Variants in SEMA3A observed in about 807,000 individuals in gnomAD.
The protein encoded by SEMA3A is semaphorin 3A.
A neutral mutation model predicts 97.9 loss-of-function variants in SEMA3A; 29 were observed. The observed-to-expected ratio is 0.30, with a 90% CI of 0.22 to 0.40. The LOEUF (loss-of-function observed/expected upper bound fraction) is 0.40. SEMA3A is among the 10% of genes least tolerant of loss of function. SEMA3A has a pLI of 1.00. For missense variants in SEMA3A, 763 were observed against 951.3 expected, an observed-to-expected ratio of 0.80 and a Z score of 2.60; for synonymous variants, 321 against 323.7, an observed-to-expected ratio of 0.99 and a Z score of 0.09.
chr7:84,304,729 G>A (rs759061892), intron 3 of SEMA3A, among the ~76,000 whole-genome samples: 4 of 151,916 alleles, frequency 2.6e-5, no homozygotes, highest in Non-Finnish European at 5.9e-5. Flanking sequence ...TTTCACAAGC[G>A]ATCATATCCC....
chr7:84,063,085 C>A (rs1411121986), intron 4 of SEMA3A, among the ~76,000 whole-genome samples: 1 of 151,984 alleles, frequency 6.6e-6, no homozygotes, highest in East Asian at 2.0e-4. Flanking sequence ...AACGGGCAGA[C>A]TGCCTCCTCA....
At chr7:84,199,795 T>C (rs184673957), upstream of SEMA3A, among the ~76,000 whole-genome samples, 375 of 152,208 alleles carry the variant, frequency 2.5e-3, 2 homozygotes, top group Non-Finnish European at 4.6e-3. Context: ...ACTCTATTAA[T>C]TGGAGAAAAT....
chr7:84,348,742 T>A (rs910237021), intron 2 of SEMA3A, among the ~76,000 whole-genome samples: 1 of 152,180 alleles, frequency 6.6e-6, no homozygotes, highest in Non-Finnish European at 1.5e-5. Context: ...CCCAGCACTT[T>A]GGGAGGCCAA....
chr7:84,322,536 C>G (rs1183511855), intron 2 of SEMA3A, among the ~76,000 whole-genome samples: 1 of 151,994 alleles, frequency 6.6e-6, no homozygotes, highest in Non-Finnish European at 1.5e-5. Context: ...TTCACAAGAT[C>G]TGATGGCTTT....
intron 12 of SEMA3A, among the ~76,000 whole-genome samples, chr7:83,989,258 T>C (rs1405098650): frequency 2.6e-5 from 4 of 152,124 alleles, no homozygotes; most frequent in African/African-American, 4.8e-5. Flanking sequence ...ATGAAGCTGA[T>C]TAATATTTAT....
At chr7:84,134,649 T>C (rs1796066758) in intron 2 of SEMA3A, 145 bp downstream of exon 2, 5 of 568,934 alleles carry the variant, frequency 8.8e-6, no homozygotes, top group Non-Finnish European at 1.4e-5. Context: ...GATTCATTAC[T>C]GTCATTTTTA....
chr7:84,323,108 C>T (rs1368812643), intron 2 of SEMA3A, among the ~76,000 whole-genome samples: 1 of 152,182 alleles, frequency 6.6e-6, no homozygotes. Context: ...TGAACATGAT[C>T]AAATACTATG....
chr7:84,276,475 A>G (rs1280756387), intron 3 of SEMA3A, among the ~76,000 whole-genome samples: 1 of 152,100 alleles, frequency 6.6e-6, no homozygotes, highest in Non-Finnish European at 1.5e-5. Context: ...GGCATTATTT[A>G]ATTACATCTT....
intron 4 of SEMA3A, among the ~76,000 whole-genome samples, chr7:84,084,590 T>A (rs906247180): frequency 2.6e-5 from 4 of 152,058 alleles, no homozygotes; most frequent in Non-Finnish European, 5.9e-5. Flanking sequence ...CAATGTTCCA[T>A]AACATAAATC....
intron 2 of SEMA3A, among the ~76,000 whole-genome samples, chr7:84,353,775 A>G (rs1369821860): frequency 6.6e-6 from 1 of 151,748 alleles, no homozygotes; most frequent in Non-Finnish European, 1.5e-5. Flanking sequence ...ATAAGGAAGC[A>G]TTGGATAATC....
At chr7:83,990,600 C>G (rs796991317) in intron 12 of SEMA3A, among the ~76,000 whole-genome samples, 3 of 107,476 alleles carry the variant, frequency 2.8e-5, no homozygotes, top group African/African-American at 7.1e-5. Context: ...GCTTGTTTTT[C>G]TCAGGTTTGT....
intron 1 of SEMA3A, among the ~76,000 whole-genome samples, chr7:84,416,339 T>A (rs368551267): frequency 1.3e-5 from 2 of 152,066 alleles, no homozygotes; most frequent in Non-Finnish European, 2.9e-5. Context: ...CCTTTCACCT[T>A]CCGCCATGAT....
intron 2 of SEMA3A, among the ~76,000 whole-genome samples, chr7:84,350,021 C>A (rs1257465319): frequency 6.6e-6 from 1 of 152,102 alleles, no homozygotes. Context: ...CCAAATCCCC[C>A]CAAATTGGCC....
At chr7:84,017,180 T>C (rs1057336365) in intron 6 of SEMA3A, among the ~76,000 whole-genome samples, 5 of 152,240 alleles carry the variant, frequency 3.3e-5, no homozygotes, top group African/African-American at 1.2e-4. Flanking sequence ...TAGATTCTTA[T>C]GTTCTCTTGG....
chr7:83,973,647 A>G (rs991961827), intron 15 of SEMA3A, among the ~76,000 whole-genome samples: 3 of 152,184 alleles, frequency 2.0e-5, no homozygotes, highest in African/African-American at 7.2e-5. Context: ...TGTCAAAGAC[A>G]TTTTATAAAA....
chr7:84,228,783 C>T (rs1309477852), intron 3 of SEMA3A, among the ~76,000 whole-genome samples: 1 of 152,036 alleles, frequency 6.6e-6, no homozygotes, highest in Non-Finnish European at 1.5e-5. Flanking sequence ...CTGCAACCTT[C>T]CTGTCTGTTT....
At chr7:84,047,909 T>TA (rs1273825430) in intron 5 of SEMA3A, among the ~76,000 whole-genome samples, 1 of 151,984 alleles carries the variant, frequency 6.6e-6, no homozygotes, top group Non-Finnish European at 1.5e-5. Context: ...GGTAGAACCT[T>TA]TGTCTCGCTT....
chr7:84,346,206 G>A (rs187393368), intron 2 of SEMA3A, among the ~76,000 whole-genome samples: 34 of 152,274 alleles, frequency 2.2e-4, no homozygotes, highest in African/African-American at 8.2e-4. Flanking sequence ...GAGAGTTAGG[G>A]CCTTGCTCTG....
At chr7:84,065,596 T>C (rs376544212) in intron 4 of SEMA3A, among the ~76,000 whole-genome samples, 60 of 149,976 alleles carry the variant, frequency 4.0e-4, no homozygotes, top group African/African-American at 1.4e-3. Context: ...ATATCACCAC[T>C]GATCCCACAG....
Sources: allele counts gnomAD v4.1 joint callset (sites outside exome capture counted in the v4.1 genomes callset), GRCh38; gene constraint gnomAD v4.1.1; transcripts MANE v1.5; gene names NCBI Gene and HGNC (gene_info 2026-07-23, HGNC 2026-07-21).